The following ABCB1 variants were observed in gnomAD, a reference collection of about 807,000 sequenced individuals.
ABCB1 encodes ATP binding cassette subfamily B member 1, also known as ATP-dependent translocase ABCB1.
Under a neutral mutation model 142.0 loss-of-function variants are expected in ABCB1, and 69 were observed. The ratio of observed to expected loss-of-function variants is 0.49; its 90% CI spans 0.40 to 0.59. ABCB1 has a LOEUF of 0.59. ABCB1 is among the 20% of genes least tolerant of loss of function. The pLI is 0.00. For missense variants in ABCB1, 1,326 were observed against 1,554.7 expected (o/e 0.85, Z 2.47); for synonymous variants, 532 against 539.2 (o/e 0.99, Z 0.18).
chr7:87,537,263 T>A (rs964887212), intron 19 of ABCB1, among the ~76,000 whole-genome samples: 1 of 151,674 alleles, frequency 6.6e-6, no homozygotes, highest in Non-Finnish European at 1.5e-5. Context: ...TGAGAGAGAG[T>A]GGGGGCCACA....
intron 16 of ABCB1, 124 bp downstream of exon 16, chr7:87,544,699 G>T: frequency 2.2e-6 from 2 of 905,950 alleles, no homozygotes; most frequent in Non-Finnish European, 3.5e-6. Flanking sequence ...TTGACATTCT[G>T]GGGGATAGGA....
chr7:87,523,117 T>A (rs908343912), intron 21 of ABCB1, among the ~76,000 whole-genome samples: 2 of 152,126 alleles, frequency 1.3e-5, no homozygotes, highest in Non-Finnish European at 2.9e-5. Flanking sequence ...CTTTTTTTTT[T>A]AGAAACGGGG....
intron 19 of ABCB1, among the ~76,000 whole-genome samples, chr7:87,536,786 C>T (rs913127179): frequency 4.6e-5 from 7 of 151,878 alleles, no homozygotes; most frequent in African/African-American, 9.7e-5. Flanking sequence ...TGGACCTGTA[C>T]GAACAAAAAA....
intron 7 of ABCB1, among the ~76,000 whole-genome samples, chr7:87,562,437 T>C (rs181713151): frequency 3.3e-5 from 5 of 152,232 alleles, no homozygotes; most frequent in African/African-American, 1.2e-4. Flanking sequence ...TTAACAAACA[T>C]CTGTAGAATA....
chr7:87,513,931 C>T (rs1399896458), intron 25 of ABCB1, among the ~76,000 whole-genome samples: 1 of 152,120 alleles, frequency 6.6e-6, no homozygotes, highest in African/African-American at 2.4e-5. Flanking sequence ...CTGTCAGCGA[C>T]GTCTTTATTT....
intron 1 of ABCB1, among the ~76,000 whole-genome samples, chr7:87,702,718 C>T (rs1829204130): frequency 6.6e-6 from 1 of 152,104 alleles, no homozygotes; most frequent in Non-Finnish European, 1.5e-5. Flanking sequence ...ACTATTAAGT[C>T]AAATGGATCG....
In ABCB1 at chr7:87,703,896, T is replaced by C. The variant is rs1295284796; in HGVS notation, c.-331+9265A>G. ...TTTATCAGTTTTTTCTTTTTTTTTT[T>C]TTTTTTTTTTTTTTTTGGTTTTTTT... On this transcript the variant is annotated intron_variant, in intron 1 of 28. Coordinates refer to the ABCB1 transcript ENST00000265724. Among the ~76,000 whole-genome samples the C allele has an allele frequency of 1.2e-4, 13 of 112,052 alleles. No homozygotes were observed. The East Asian group carries it at 2.8e-3, about 24-fold the overall frequency. The allele number at this position is 112,052 out of a possible 152,430, so 73.5% of individuals were successfully genotyped here.
At chr7:87,679,358 G>T (rs1826696131) in intron 1 of ABCB1, among the ~76,000 whole-genome samples, 1 of 149,740 alleles carries the variant, frequency 6.7e-6, no homozygotes, top group African/African-American at 2.5e-5. Context: ...CTCCCAAAGT[G>T]CTGGGATTAC....
At chr7:87,693,087 TTGACTA>T (rs1193464518) in intron 1 of ABCB1, among the ~76,000 whole-genome samples, 1 of 152,170 alleles carries the variant, frequency 6.6e-6, no homozygotes, top group African/African-American at 2.4e-5. Flanking sequence ...ATTTCAGTGT[TTGACTA>T]TGAGAGAAGG....
Position 87,578,917 on chromosome 7 carries a change from T to C in ABCB1, c.286+6595A>G, listed in dbSNP as rs374588577. Among the ~76,000 whole-genome samples the C allele has an allele frequency of 2.0e-5, 3 of 151,918 alleles. No individual in the cohort carries two copies. The South Asian group carries it at 6.2e-4, about 32-fold the overall frequency. On this transcript the variant is annotated intron_variant, in intron 4 of 27. Coordinates refer to ENST00000622132, the MANE Select transcript of ABCB1 (RefSeq NM_001348946.2). ...ACCGTTTTAGCCGGGATAGTCTCGA[T>C]CTCCTGACCTCGTGATCCACCTGCC...
At chr7:87,532,997 A>G (rs1246259842) in intron 20 of ABCB1, among the ~76,000 whole-genome samples, 1 of 152,188 alleles carries the variant, frequency 6.6e-6, no homozygotes, top group Non-Finnish European at 1.5e-5. Context: ...CTTTAAATAC[A>G]TTAAATTCCA....
chr7:87,578,717 G>A (rs1212679396), intron 4 of ABCB1, among the ~76,000 whole-genome samples: 1 of 142,912 alleles, frequency 7.0e-6, no homozygotes, highest in Non-Finnish European at 1.5e-5. Context: ...TTTTTGAGAC[G>A]GAGTCTCGCT....
intron 1 of ABCB1, among the ~76,000 whole-genome samples, chr7:87,694,515 C>T (rs866410726): frequency 6.6e-6 from 1 of 152,022 alleles, no homozygotes; most frequent in East Asian, 1.9e-4. Context: ...AATAGTAGAA[C>T]GAAAGAGAAA....
intron 21 of ABCB1, among the ~76,000 whole-genome samples, chr7:87,530,493 T>A (rs1022862938): frequency 2.0e-5 from 3 of 151,088 alleles, no homozygotes; most frequent in Non-Finnish European, 2.9e-5. Context: ...ATGGTTGCTA[T>A]AAGGAATAAG....
intron 3 of ABCB1, among the ~76,000 whole-genome samples, chr7:87,587,596 G>C (rs1818810183): frequency 6.6e-6 from 1 of 152,146 alleles, no homozygotes; most frequent in African/African-American, 2.4e-5. Flanking sequence ...GTGTAGCTGG[G>C]TGCAGTGGCT....
intron 1 of ABCB1, among the ~76,000 whole-genome samples, chr7:87,615,694 G>A (rs543584546): frequency 2.5e-4 from 38 of 152,280 alleles, no homozygotes; most frequent in Middle Eastern, 6.8e-3. Context: ...GGCCTTACAT[G>A]CCATGATAAT....
At chr7:87,588,340 C>T (rs537218843) in intron 3 of ABCB1, among the ~76,000 whole-genome samples, 2 of 152,232 alleles carry the variant, frequency 1.3e-5, no homozygotes, top group South Asian at 2.1e-4. Flanking sequence ...TCCCACACTC[C>T]ACCCTCCGAA....
At chr7:87,664,789 G>A (rs1292324145) in intron 1 of ABCB1, among the ~76,000 whole-genome samples, 1 of 152,098 alleles carries the variant, frequency 6.6e-6, no homozygotes, top group East Asian at 1.9e-4. Context: ...AGAGGAGGAA[G>A]AGATTAATAT....
At chr7:87,556,085 A>G (rs1179653900) in intron 8 of ABCB1, among the ~76,000 whole-genome samples, 2 of 152,224 alleles carry the variant, frequency 1.3e-5, no homozygotes, top group East Asian at 3.8e-4. Flanking sequence ...TGCCATACAT[A>G]AAACTAGATA....
Sources: allele counts gnomAD v4.1 joint callset (sites outside exome capture counted in the v4.1 genomes callset), GRCh38; gene constraint gnomAD v4.1.1; transcripts MANE v1.5; gene names NCBI Gene and HGNC (gene_info 2026-07-23, HGNC 2026-07-21).